RNF220: variants seen among roughly 807,000 people sequenced by gnomAD.
The protein encoded by RNF220 is ring finger protein 220, also known as E3 ubiquitin-protein ligase RNF220.
A neutral mutation model predicts 67.1 loss-of-function variants in RNF220; 7 were observed. That is an observed-to-expected ratio of 0.10 (90% confidence interval 0.06 to 0.20). RNF220 has a LOEUF of 0.20. Ranked by LOEUF, RNF220 falls within the 10% of genes least tolerant of loss-of-function variation. The pLI is 1.00. For synonymous variants in RNF220, 270 were observed against 283.2 expected (o/e 0.95, Z 0.47); for missense variants, 565 against 740.3 (o/e 0.76, Z 2.75).
chr1:44,626,681 G>C (rs1315404684), intron 5 of RNF220: 1 of 397,542 alleles, frequency 2.5e-6, no homozygotes, highest in Non-Finnish European at 4.6e-6. Flanking sequence ...GTATCCTATG[G>C]GGTTTGGTTT....
intron 3 of RNF220, among the ~76,000 whole-genome samples, chr1:44,619,715 G>A (rs528338386): frequency 4.6e-4 from 70 of 152,298 alleles, no homozygotes; most frequent in African/African-American, 1.7e-3. Context: ...AAATAGGGAG[G>A]GATGAAGGCA....
Position 44,624,314 on chromosome 1 carries a change from G to A in RNF220, c.804+1527G>A, listed in dbSNP as rs1424940047. ...TGACAGCTGACACCTGAGCATGGCT[G>A]GCAGGGCTGGGGACTTGGACATCAG... is the stretch of plus-strand genomic sequence containing the variant. On this transcript the variant is annotated intron_variant, in intron 4 of 14. Coordinates refer to ENST00000361799, the MANE Select transcript of RNF220 (RefSeq NM_018150.4). This position sits in a 1 kb window ranked among gnomAD's most constrained non-coding sequence, Gnocchi z 4.2. 6.6e-6 allele frequency among the ~76,000 whole-genome samples: 1 copy of A among 152,214 alleles called. No homozygotes were observed. The highest frequency in any genetic ancestry group is 2.4e-5 in the African/African-American group (1 of 41,452).
chr1:44,529,157 G>A (rs561298588), intron 2 of RNF220, among the ~76,000 whole-genome samples: 1 of 152,066 alleles, frequency 6.6e-6, no homozygotes. Context: ...CATCATTTCA[G>A]TATTATTTAT....
At chr1:44,476,637 C>T (rs1055405908) in intron 2 of RNF220, among the ~76,000 whole-genome samples, 1 of 152,102 alleles carries the variant, frequency 6.6e-6, no homozygotes, top group African/African-American at 2.4e-5. Flanking sequence ...GTAGTTGGGG[C>T]AGCAAATACT....
At chr1:44,440,672 C>T (rs986266211) in intron 2 of RNF220, among the ~76,000 whole-genome samples, 2 of 152,146 alleles carry the variant, frequency 1.3e-5, no homozygotes, top group Non-Finnish European at 2.9e-5. Context: ...CCCTTTTTGT[C>T]ACTCCAGCAG....
chr1:44,629,432 C>T (rs947048174), intron 5 of RNF220, among the ~76,000 whole-genome samples: 2 of 152,248 alleles, frequency 1.3e-5, no homozygotes, highest in Non-Finnish European at 2.9e-5. Context: ...TTTACTCAAA[C>T]ATTTATTTAG....
At chr1:44,508,082 C>T (rs1421834642) in intron 2 of RNF220, among the ~76,000 whole-genome samples, 2 of 142,230 alleles carry the variant, frequency 1.4e-5, no homozygotes, top group East Asian at 2.2e-4. Context: ...TGGGGGTGGG[C>T]GTGTGGGGGT....
chr1:44,643,998 T>A (rs1050396678), intron 8 of RNF220: 1 of 153,090 alleles, frequency 6.5e-6, no homozygotes, highest in Non-Finnish European at 1.5e-5. Flanking sequence ...TGGCCTGGCC[T>A]CCGCTCAGCC....
rs112342416 is a variant in RNF220, at chr1:44,412,124, G to A, written c.27G>A (p.Lys9=). The change falls in exon 2 of 15, where the codon AAG becomes AAA. Residue 9 remains lysine (K), a synonymous_variant. Transcript: ENST00000361799. The surrounding 1 kb of genome is among the most constrained non-coding windows in gnomAD (Gnocchi z 5.3). ...TGGACTTACACCGGGCAGCCTTCAA[G>A]ATGGAGAACTCATCCTACCTTCCCA... MDLHRAAF[K]MENSSYLPNP... 4.3e-6 allele frequency: 7 copies of A among 1,612,956 alleles called. No individual in the cohort carries two copies. The highest frequency in any genetic ancestry group is 5.9e-6 in the Non-Finnish European group (7 of 1,179,238).
intron 2 of RNF220, among the ~76,000 whole-genome samples, chr1:44,513,869 G>A (rs1031276594): frequency 2.6e-5 from 4 of 152,062 alleles, no homozygotes; most frequent in African/African-American, 7.3e-5. Context: ...ATGCCACATC[G>A]CCAATGTCTT....
chr1:44,436,795 G>T (rs1204235552), intron 2 of RNF220, among the ~76,000 whole-genome samples: 1 of 152,100 alleles, frequency 6.6e-6, no homozygotes, highest in East Asian at 1.9e-4. Flanking sequence ...GGGAGATGGG[G>T]CAATGCCAAA....
At chr1:44,546,642 C>G (rs1218897102) in intron 2 of RNF220, among the ~76,000 whole-genome samples, 1 of 152,190 alleles carries the variant, frequency 6.6e-6, no homozygotes. Context: ...CATGTTACCC[C>G]GAGATGGAGT....
Position 44,600,168 on chromosome 1 carries a change from AG to A in RNF220, c.626-13995del. Among the ~76,000 whole-genome samples, 1 of 152,322 alleles carries A rather than the reference AG, an allele frequency of 6.6e-6. No homozygotes were observed. Among genetic ancestry groups the A allele is most frequent in the Non-Finnish European group, 1.5e-5 (1 of 68,032 alleles). ...GGTACCATTCACTGAAACCAAAAGC[AG>A]GAGGAGGGCAGGTCTAGAGGAAGGT... On this transcript the variant is annotated intron_variant, in intron 2 of 14. Coordinates refer to ENST00000361799, the MANE Select transcript of RNF220 (RefSeq NM_018150.4). The surrounding 1 kb of genome is among the most constrained non-coding windows in gnomAD (Gnocchi z 4.0).
At chr1:44,496,929 TC>T (rs1435196414) in intron 2 of RNF220, among the ~76,000 whole-genome samples, 5 of 152,182 alleles carry the variant, frequency 3.3e-5, no homozygotes, top group Non-Finnish European at 7.4e-5. Flanking sequence ...CTTGTGGTCC[TC>T]CTCCAAACTC....
chr1:44,647,095 G>A (rs1375545928), intron 12 of RNF220, among the ~76,000 whole-genome samples: 5 of 152,212 alleles, frequency 3.3e-5, no homozygotes, highest in African/African-American at 1.2e-4. Context: ...TTGGCCTTCA[G>A]TGGGGCCTTG....
At chr1:44,418,691 C>A (rs116958723) in intron 2 of RNF220, among the ~76,000 whole-genome samples, 9 of 151,656 alleles carry the variant, frequency 5.9e-5, no homozygotes, top group African/African-American at 1.9e-4. Context: ...AAGTTGCTGT[C>A]CCTCCCCACC....
intron 2 of RNF220, among the ~76,000 whole-genome samples, chr1:44,494,391 C>G (rs1315922154): frequency 1.3e-5 from 2 of 152,046 alleles, no homozygotes; most frequent in Non-Finnish European, 2.9e-5. Flanking sequence ...TATTCTCAGA[C>G]ATGCATGAAA....
chr1:44,585,806 T>C (rs954794501), intron 2 of RNF220, among the ~76,000 whole-genome samples: 3 of 152,186 alleles, frequency 2.0e-5, no homozygotes, highest in Admixed American at 6.5e-5. Flanking sequence ...CATAGCACCG[T>C]TGGGAAGATT....
chr1:44,520,147 AAGAG>A (rs1188847351), intron 2 of RNF220, among the ~76,000 whole-genome samples: 1 of 90,744 alleles, frequency 1.1e-5, no homozygotes, highest in African/African-American at 4.4e-5. Context: ...GAGAGAGAGA[AAGAG>A]AGAGATTGTA....
Sources: gnomAD v4.1 joint callset for allele counts (sites outside exome capture counted in the v4.1 genomes callset) on GRCh38, gnomAD v4.1.1 for gene constraint, Gnocchi (gnomAD v3.1) non-coding constraint, MANE v1.5 for transcripts, NCBI Gene and HGNC (gene_info 2026-07-23, HGNC 2026-07-21) for gene names.